Variants in NRG4 observed in about 807,000 individuals in gnomAD.
The protein encoded by NRG4 is neuregulin 4.
NRG4 carries 10 observed loss-of-function variants against 15.0 expected under a neutral mutation model. The ratio of observed to expected loss-of-function variants is 0.67; its 90% CI spans 0.41 to 1.13. NRG4 has a LOEUF of 1.13. NRG4 is among the 50% of genes most tolerant of loss of function. The pLI is 0.00. For synonymous variants in NRG4, 41 were observed against 50.1 expected (o/e 0.82, Z 0.77); for missense variants, 139 against 140.2 (o/e 0.99, Z 0.04).
chr15:75,994,390 AT>A (rs1227388053), intron 3 of NRG4, among the ~76,000 whole-genome samples: 1 of 151,934 alleles, frequency 6.6e-6, no homozygotes, highest in Non-Finnish European at 1.5e-5. Flanking sequence ...TTTCCATCCC[AT>A]TTTACCACTA....
intron 2 of NRG4, among the ~76,000 whole-genome samples, chr15:76,054,848 A>G (rs80297148): frequency 0.037 from 5,623 of 152,310 alleles, 180 homozygotes; most frequent in African/African-American, 0.085. Context: ...TAAAAAACAC[A>G]TATGCCAATG....
chr15:75,986,638 A>G (rs1183792333), intron 3 of NRG4, among the ~76,000 whole-genome samples: 1 of 152,170 alleles, frequency 6.6e-6, no homozygotes, highest in Non-Finnish European at 1.5e-5. Flanking sequence ...GGAAATAACA[A>G]TTTTTACTAT....
chr15:75,998,979 T>C (rs890197128), intron 3 of NRG4, among the ~76,000 whole-genome samples: 1 of 152,162 alleles, frequency 6.6e-6, no homozygotes, highest in African/African-American at 2.4e-5. Context: ...AAAACTAGAC[T>C]TACCACATAT....
chr15:75,943,638 T>G lies in NRG4; in HGVS notation c.348A>C (p.Ter116CysextTer22). 6.4e-7 allele frequency: 1 copy of G among 1,573,232 alleles called. No homozygotes were observed. The highest frequency in any genetic ancestry group is 8.7e-7 in the Non-Finnish European group (1 of 1,144,880). The change falls in exon 6 of 6, where the codon TGA (stop) becomes TGC (cysteine). Residue 116 changes from the stop codon to cysteine (C), a stop_lost. Coordinates refer to ENST00000394907, the MANE Select transcript of NRG4 (RefSeq NM_138573.4). ...TSAHHSHEQH[*>C] ...TGATTTGGTTCACTTTGACGTTTCT[T>G]CAGTGTTGTTCATGACCTGTGAAAA...
At chr15:76,053,724 T>C (rs541579189) in intron 2 of NRG4, among the ~76,000 whole-genome samples, 5 of 150,396 alleles carry the variant, frequency 3.3e-5, no homozygotes, top group Non-Finnish European at 5.9e-5. Context: ...CCCAGCTAAG[T>C]TTTGTATTTT....
At chr15:75,935,753 A>G (rs1191502721), downstream of NRG4, 1 of 152,030 alleles carries the variant, frequency 6.6e-6, no homozygotes, top group African/African-American at 2.4e-5. Flanking sequence ...TGAACATGCA[A>G]AGAATTACAA....
intron 3 of NRG4, among the ~76,000 whole-genome samples, chr15:75,999,735 T>TATACATAATCC (rs1228996586): frequency 3.3e-5 from 5 of 152,168 alleles, no homozygotes; most frequent in Non-Finnish European, 7.3e-5. Flanking sequence ...TCTTAAAACA[T>TATACATAATCC]ATACATAATC....
intron 5 of NRG4, among the ~76,000 whole-genome samples, chr15:75,945,515 T>A (rs2031448091): frequency 6.6e-6 from 1 of 152,180 alleles, no homozygotes; most frequent in Non-Finnish European, 1.5e-5. Flanking sequence ...TATTTAACCA[T>A]CAAGCACTTT....
intron 5 of NRG4, among the ~76,000 whole-genome samples, chr15:76,022,087 G>A (rs1567115665): frequency 6.6e-6 from 1 of 152,218 alleles, no homozygotes; most frequent in Non-Finnish European, 1.5e-5. Context: ...CATGAGGCTT[G>A]CTTGCCTGCT....
intron 3 of NRG4, among the ~76,000 whole-genome samples, chr15:75,985,815 AACTT>A (rs77102038): frequency 0.23 from 34,758 of 151,934 alleles, 4,749 homozygotes; most frequent in Non-Finnish European, 0.31. Flanking sequence ...TAAAAAATAA[AACTT>A]AATTATGGCC....
intron 3 of NRG4, among the ~76,000 whole-genome samples, chr15:76,004,572 C>T (rs1275037527): frequency 6.8e-6 from 1 of 146,060 alleles, no homozygotes; most frequent in Non-Finnish European, 1.5e-5. Context: ...GCACTCCAGC[C>T]TGGGCAACAA....
chr15:76,017,132 G>C (rs558151920), upstream of NRG4, among the ~76,000 whole-genome samples: 77 of 143,430 alleles, frequency 5.4e-4, no homozygotes, highest in African/African-American at 1.9e-3. Context: ...GTTTTTATCA[G>C]AGACTAGGAT....
intron 3 of NRG4, among the ~76,000 whole-genome samples, chr15:75,989,534 A>G (rs1460776901): frequency 6.6e-6 from 1 of 152,084 alleles, no homozygotes; most frequent in African/African-American, 2.4e-5. Flanking sequence ...TATTTTGGAA[A>G]GTTTTTATTG....
chr15:76,051,726 G>A (rs954641542), intron 4 of NRG4, among the ~76,000 whole-genome samples: 2 of 150,136 alleles, frequency 1.3e-5, no homozygotes, highest in Admixed American at 1.3e-4. Context: ...ACCACGCCTG[G>A]CTAATCTTTT....
chr15:76,046,348 A>G (rs1211754425), intron 4 of NRG4, among the ~76,000 whole-genome samples: 1 of 151,232 alleles, frequency 6.6e-6, no homozygotes, highest in Admixed American at 6.6e-5. Context: ...ATAGGAAAAA[A>G]AATTCTTAAA....
downstream of NRG4, chr15:75,936,321 A>AAAAT (rs1291990306): frequency 1.3e-5 from 2 of 152,352 alleles, no homozygotes; most frequent in South Asian, 2.1e-4. Flanking sequence ...CTAAAATAAT[A>AAAAT]AAATAAGCAT....
intron 5 of NRG4, among the ~76,000 whole-genome samples, chr15:75,949,988 C>A (rs2031779438): frequency 6.6e-6 from 1 of 152,188 alleles, no homozygotes; most frequent in African/African-American, 2.4e-5. Context: ...TTTAGAACCA[C>A]CTTGTCAATT....
At chr15:75,945,732 T>C (rs919826185) in intron 5 of NRG4, 1 of 152,190 alleles carries the variant, frequency 6.6e-6, no homozygotes, top group African/African-American at 2.4e-5. Flanking sequence ...GACTTTTTAT[T>C]GTGAAATATA....
chr15:76,058,776 G>C (rs1001688774), intron 1 of NRG4, among the ~76,000 whole-genome samples: 3 of 152,290 alleles, frequency 2.0e-5, no homozygotes, highest in East Asian at 1.9e-4. Context: ...TAGGAAAATG[G>C]CTATATTTTT....
Sources: allele counts gnomAD v4.1 joint callset (sites outside exome capture counted in the v4.1 genomes callset), GRCh38; gene constraint gnomAD v4.1.1; transcripts MANE v1.5; gene names NCBI Gene and HGNC (gene_info 2026-07-23, HGNC 2026-07-21).